The following NREP variants were observed in gnomAD, a reference collection of about 807,000 sequenced individuals.
The protein encoded by NREP is neuronal regeneration-related protein.
Under a neutral mutation model 8.6 loss-of-function variants are expected in NREP, and 5 were observed. That is an observed-to-expected ratio of 0.58 (90% CI 0.30 to 1.22). The LOEUF (loss-of-function observed/expected upper bound fraction) is 1.22. Ranked by LOEUF, NREP falls within the 50% of genes most tolerant of loss-of-function variation. The probability of loss-of-function intolerance (pLI) is 0.07; values close to 1 mark genes in which losing one functional copy is unlikely to be tolerated. For synonymous variants in NREP, 27 were observed against 28.0 expected, an observed-to-expected ratio of 0.96 and a Z score of 0.11; for missense variants, 86 against 82.5, an observed-to-expected ratio of 1.04 and a Z score of -0.17.
chr5:111,810,253 C>A (rs919338547), intron 2 of NREP, among the ~76,000 whole-genome samples: 4 of 152,112 alleles, frequency 2.6e-5, no homozygotes, highest in African/African-American at 9.7e-5. Flanking sequence ...CAGAAAAATA[C>A]ACAGAATAGA....
At chr5:111,853,134 C>T (rs1723301191) in intron 2 of NREP, among the ~76,000 whole-genome samples, 1 of 152,002 alleles carries the variant, frequency 6.6e-6, no homozygotes, top group African/African-American at 2.4e-5. Context: ...CATAAGAAAC[C>T]TGATTTTAAA....
chr5:111,894,033 C>T (rs751302398), intron 2 of NREP, among the ~76,000 whole-genome samples: 5 of 151,920 alleles, frequency 3.3e-5, no homozygotes, highest in Non-Finnish European at 5.9e-5. Flanking sequence ...GCCTGGCAAA[C>T]ATGATGAAAC....
At chr5:111,828,214 G>A (rs529906493) in intron 2 of NREP, among the ~76,000 whole-genome samples, 1 of 152,084 alleles carries the variant, frequency 6.6e-6, no homozygotes, top group South Asian at 2.1e-4. Context: ...ATTTTTAGTA[G>A]AGATGGGGTT....
At chr5:111,913,151 G>A (rs1382700454) in intron 2 of NREP, among the ~76,000 whole-genome samples, 1 of 152,082 alleles carries the variant, frequency 6.6e-6, no homozygotes, top group Non-Finnish European at 1.5e-5. Context: ...AGTAAAGGCA[G>A]GATAGAAGGT....
At chr5:111,859,901 A>T (rs2112479815) in intron 2 of NREP, among the ~76,000 whole-genome samples, 1 of 152,284 alleles carries the variant, frequency 6.6e-6, no homozygotes. Context: ...ATATTTTATT[A>T]GCATTCTTAC....
At chr5:111,843,351 G>T (rs1238595536) in intron 2 of NREP, among the ~76,000 whole-genome samples, 1 of 151,592 alleles carries the variant, frequency 6.6e-6, no homozygotes, top group Admixed American at 6.6e-5. Flanking sequence ...AGCTCTATAT[G>T]GAAGTTTTCA....
intron 2 of NREP, among the ~76,000 whole-genome samples, chr5:111,779,477 A>G (rs566965632): frequency 4.6e-5 from 7 of 152,300 alleles, no homozygotes; most frequent in South Asian, 4.1e-4. Flanking sequence ...ATTAGTTACC[A>G]TGATTCATTT....
At chr5:111,847,718 T>A (rs1021932974) in intron 2 of NREP, among the ~76,000 whole-genome samples, 4 of 151,172 alleles carry the variant, frequency 2.6e-5, no homozygotes, top group African/African-American at 9.9e-5. Flanking sequence ...CTTCTCTGAA[T>A]GTGAGACCTG....
intron 2 of NREP, among the ~76,000 whole-genome samples, chr5:111,893,121 G>C (rs770546839): frequency 3.3e-5 from 5 of 152,168 alleles, no homozygotes; most frequent in Non-Finnish European, 7.4e-5. Flanking sequence ...TTCCTGTCTA[G>C]ATGAAGATAC....
At chr5:111,746,570 T>C (rs2112828693) in intron 2 of NREP, among the ~76,000 whole-genome samples, 1 of 152,280 alleles carries the variant, frequency 6.6e-6, no homozygotes, top group African/African-American at 2.4e-5. Context: ...GCTAGGTATA[T>C]AATCTCAATT....
At chr5:111,877,345 T>C (rs986552465) in intron 2 of NREP, among the ~76,000 whole-genome samples, 5 of 152,252 alleles carry the variant, frequency 3.3e-5, no homozygotes, top group South Asian at 2.1e-4. Flanking sequence ...ACCAATATCA[T>C]GTTATTCACA....
intron 2 of NREP, among the ~76,000 whole-genome samples, chr5:111,911,271 G>C (rs1315650513): frequency 6.6e-6 from 1 of 152,088 alleles, no homozygotes; most frequent in South Asian, 2.1e-4. Flanking sequence ...GCATAGAACA[G>C]TGTCTGACAC....
chr5:111,940,640 G>A (rs537240094), intron 2 of NREP, among the ~76,000 whole-genome samples: 25 of 152,132 alleles, frequency 1.6e-4, no homozygotes, highest in African/African-American at 3.9e-4. Context: ...GATGGGCCCC[G>A]ACTCTGAAGA....
intron 2 of NREP, among the ~76,000 whole-genome samples, chr5:111,740,378 T>G (rs1749543691): frequency 6.6e-6 from 1 of 152,146 alleles, no homozygotes; most frequent in Non-Finnish European, 1.5e-5. Flanking sequence ...TTCTCTTGAA[T>G]GTATTGATAG....
intron 2 of NREP, among the ~76,000 whole-genome samples, chr5:111,880,060 C>A (rs1754011972): frequency 6.6e-6 from 1 of 152,148 alleles, no homozygotes; most frequent in Admixed American, 6.5e-5. Context: ...GTAGAGGAAT[C>A]TGAGCAAATT....
chr5:111,766,114 C>T (rs1751076788), intron 2 of NREP, among the ~76,000 whole-genome samples: 1 of 152,174 alleles, frequency 6.6e-6, no homozygotes. Context: ...ACTTCAAGTT[C>T]ATCTTGATTT....
intron 2 of NREP, among the ~76,000 whole-genome samples, chr5:111,942,893 A>G (rs531503655): frequency 1.3e-5 from 2 of 152,180 alleles, no homozygotes; most frequent in Non-Finnish European, 2.9e-5. Flanking sequence ...GTAAAATGTG[A>G]CTAAGTCTAG....
At chr5:111,771,012 G>C (rs1751206688) in intron 2 of NREP, among the ~76,000 whole-genome samples, 1 of 152,080 alleles carries the variant, frequency 6.6e-6, no homozygotes, top group South Asian at 2.1e-4. Context: ...TAGAAATTTT[G>C]TTTTTCTCTG....
At chr5:111,743,539 G>A (rs1399022156) in intron 2 of NREP, among the ~76,000 whole-genome samples, 3 of 151,970 alleles carry the variant, frequency 2.0e-5, no homozygotes, top group African/African-American at 4.8e-5. Flanking sequence ...ATGTTTCTCC[G>A]ACTTTTAAGA....
Sources: gnomAD v4.1 joint callset for allele counts (sites outside exome capture counted in the v4.1 genomes callset) on GRCh38, gnomAD v4.1.1 for gene constraint, MANE v1.5 for transcripts, NCBI Gene and HGNC (gene_info 2026-07-23, HGNC 2026-07-21) for gene names.